Variants in MSI2 observed in about 807,000 individuals in gnomAD.
MSI2 encodes musashi RNA binding protein 2.
MSI2 carries 17 observed loss-of-function variants against 45.6 expected under a neutral mutation model. The ratio of observed to expected loss-of-function variants is 0.37; its 90% CI spans 0.26 to 0.56. The LOEUF is 0.56. Among genes scored for constraint, MSI2 ranks in the 20% least tolerant of loss-of-function variants. The pLI is 0.77. For synonymous variants in MSI2, 156 were observed against 158.2 expected, an observed-to-expected ratio of 0.99 and a Z score of 0.11; for missense variants, 293 against 444.2, an observed-to-expected ratio of 0.66 and a Z score of 3.06.
intron 5 of MSI2, among the ~76,000 whole-genome samples, chr17:57,317,128 C>G (rs1469370499): frequency 1.3e-5 from 2 of 152,154 alleles, no homozygotes; most frequent in African/African-American, 4.8e-5. Context: ...CCTTTCACCT[C>G]TTTGCCATCT....
the MSI2 span, among the ~76,000 whole-genome samples, chr17:57,698,480 C>G: frequency 6.6e-6 from 1 of 152,240 alleles, no homozygotes; most frequent in African/African-American, 2.4e-5. Context: ...TCCCAGGACA[C>G]CTCCAGTGTC....
intron 6 of MSI2, among the ~76,000 whole-genome samples, chr17:57,489,038 C>T (rs1055327026): frequency 3.9e-5 from 6 of 152,212 alleles, no homozygotes; most frequent in South Asian, 4.2e-4. Flanking sequence ...GATGCAGCCC[C>T]CTTATGCTAA....
At chr17:57,658,641 G>C (rs1295020206) in intron 11 of MSI2, among the ~76,000 whole-genome samples, 1 of 152,258 alleles carries the variant, frequency 6.6e-6, no homozygotes, top group Admixed American at 6.5e-5. Context: ...AGTGCAATTA[G>C]TGACTAGCCT....
At chr17:57,447,592 G>T (rs1320517657) in intron 6 of MSI2, among the ~76,000 whole-genome samples, 4 of 151,978 alleles carry the variant, frequency 2.6e-5, no homozygotes, top group Non-Finnish European at 2.9e-5. Context: ...GCATGGGTGG[G>T]GGGGGTGTCT....
intron 5 of MSI2, among the ~76,000 whole-genome samples, chr17:57,387,101 C>T (rs903261770): frequency 1.3e-5 from 2 of 152,342 alleles, no homozygotes; most frequent in East Asian, 1.9e-4. Flanking sequence ...CCAGTTGCCT[C>T]TTTGCCTCAA....
intron 10 of MSI2, among the ~76,000 whole-genome samples, chr17:57,633,541 G>T (rs1283012408): frequency 6.6e-6 from 1 of 152,230 alleles, no homozygotes; most frequent in East Asian, 1.9e-4. Flanking sequence ...GCGCCCACGG[G>T]CCTGTGTGTG....
intron 11 of MSI2, among the ~76,000 whole-genome samples, chr17:57,672,959 T>G (rs1262788068): frequency 6.6e-6 from 1 of 152,246 alleles, no homozygotes. Context: ...GCCGTTCACT[T>G]GCTCTAAGCC....
At chr17:57,379,396 G>T (rs1440848640) in intron 5 of MSI2, among the ~76,000 whole-genome samples, 1 of 151,646 alleles carries the variant, frequency 6.6e-6, no homozygotes, top group Non-Finnish European at 1.5e-5. Context: ...CAATTTGACT[G>T]TTGCTATTAT....
chr17:57,655,146 A>G (rs940030112), intron 11 of MSI2, among the ~76,000 whole-genome samples: 29 of 152,028 alleles, frequency 1.9e-4, no homozygotes, highest in African/African-American at 6.8e-4. Flanking sequence ...TAATTCCCCT[A>G]GGACCTGAGG....
At chr17:57,572,672 G>A (rs978322184) in intron 7 of MSI2, among the ~76,000 whole-genome samples, 34 of 152,188 alleles carry the variant, frequency 2.2e-4, no homozygotes, top group African/African-American at 8.0e-4. Context: ...GTTGCCTTCT[G>A]TGTAAAGAGC....
intron 5 of MSI2, among the ~76,000 whole-genome samples, chr17:57,281,750 G>A (rs1909439595): frequency 6.6e-6 from 1 of 152,186 alleles, no homozygotes; most frequent in South Asian, 2.1e-4. Context: ...CTGCCTCAGT[G>A]AGGCCTTTTG....
At chr17:57,374,632 G>T (rs2143982671) in intron 5 of MSI2, among the ~76,000 whole-genome samples, 1 of 152,086 alleles carries the variant, frequency 6.6e-6, no homozygotes, top group Non-Finnish European at 1.5e-5. Context: ...CAAAAAATTA[G>T]CTGGGCATGG....
chr17:57,554,264 A>G (rs1406375703), intron 7 of MSI2, among the ~76,000 whole-genome samples: 1 of 152,126 alleles, frequency 6.6e-6, no homozygotes, highest in South Asian at 2.1e-4. Context: ...TTAAAAATGC[A>G]GAGAGTCTTG....
chr17:57,576,946 G>T (rs184104298), intron 7 of MSI2, among the ~76,000 whole-genome samples: 1 of 152,186 alleles, frequency 6.6e-6, no homozygotes, highest in South Asian at 2.1e-4. Context: ...AGTCCAGTCC[G>T]GTATTTGGTT....
chr17:57,439,417 T>C (rs1252477838), intron 6 of MSI2, among the ~76,000 whole-genome samples: 1 of 152,084 alleles, frequency 6.6e-6, no homozygotes, highest in Non-Finnish European at 1.5e-5. Flanking sequence ...TTGGTAGAGA[T>C]TAGATATTTG....
chr17:57,323,737 G>T (rs947070552), intron 5 of MSI2, among the ~76,000 whole-genome samples: 4 of 152,256 alleles, frequency 2.6e-5, no homozygotes, highest in Non-Finnish European at 5.9e-5. Flanking sequence ...ACTGTCTGCC[G>T]CTGTGGGTGT....
chr17:57,263,386 A>G lies in MSI2; in HGVS notation c.312+1194A>G, dbSNP rs556501321. On this transcript the variant is annotated intron_variant, in intron 5 of 13. Transcript: ENST00000284073. ...TTTTTGTAATGCTTAAGCAAATGAT[A>G]GGAATTAATGATTAGGTTATTTTTG... 4 of 152,384 alleles carry G rather than the reference A, an allele frequency of 2.6e-5. No individual in the cohort carries two copies. The East Asian group carries it at 7.7e-4, about 29-fold the overall frequency. The allele number at this position is 152,384 out of a possible 1,614,324, so 9.4% of individuals were successfully genotyped here.
At chr17:57,261,573 C>G (rs767138164) in intron 4 of MSI2, among the ~76,000 whole-genome samples, 6 of 152,036 alleles carry the variant, frequency 3.9e-5, no homozygotes, top group Non-Finnish European at 5.9e-5. Context: ...TTTACTTTTG[C>G]TAAAATGAAT....
At chr17:57,326,057 C>T (rs1010630508) in intron 5 of MSI2, among the ~76,000 whole-genome samples, 4 of 152,116 alleles carry the variant, frequency 2.6e-5, no homozygotes, top group Admixed American at 6.5e-5. Context: ...CAGCTTAAAC[C>T]GTGCCTTTTT....
Sources: allele counts gnomAD v4.1 joint callset (sites outside exome capture counted in the v4.1 genomes callset), GRCh38; gene constraint gnomAD v4.1.1; transcripts MANE v1.5; gene names NCBI Gene and HGNC (gene_info 2026-07-23, HGNC 2026-07-21).